Variants in SPSB1 observed in about 807,000 individuals in gnomAD.
SPSB1 encodes the protein splA/ryanodine receptor domain and SOCS box containing 1.
A neutral mutation model predicts 21.2 loss-of-function variants in SPSB1; 8 were observed. That is an observed-to-expected ratio of 0.38 (90% CI 0.22 to 0.68). SPSB1 has a LOEUF of 0.68. Ranked by LOEUF, SPSB1 falls within the 30% of genes least tolerant of loss-of-function variation. The pLI is 0.53. For missense variants in SPSB1, 242 were observed against 377.8 expected (o/e 0.64, Z 2.98); for synonymous variants, 169 against 161.7 (o/e 1.05, Z -0.34).
intron 1 of SPSB1, among the ~76,000 whole-genome samples, chr1:9,334,552 T>C (rs940422800): frequency 3.3e-5 from 5 of 152,068 alleles, no homozygotes; most frequent in African/African-American, 1.2e-4. Flanking sequence ...TTTTTAAGAG[T>C]TCAGTGGCAT....
In SPSB1 at chr1:9,346,637, G is replaced by A. The variant is rs182525872; in HGVS notation, c.-149-9106G>A. The stretch of plus-strand genomic sequence containing the variant: ...AACACCATCGGGGGGTTGCCGGCAG[G>A]TGCTGTGCAGTCTGGCCTGTCTCAG... On this transcript the variant is annotated intron_variant, in intron 1 of 2. Transcript: ENST00000328089. This position sits in a 1 kb window ranked among gnomAD's most constrained non-coding sequence, Gnocchi z 4.4. 9.8e-5 allele frequency among the ~76,000 whole-genome samples: 15 copies of A among 152,310 alleles called. No homozygotes were observed. The South Asian group carries it at 1.0e-3, about 11-fold the overall frequency.
intron 1 of SPSB1, among the ~76,000 whole-genome samples, chr1:9,353,211 C>T (rs775597030): frequency 1.3e-4 from 19 of 151,932 alleles, no homozygotes; most frequent in Non-Finnish European, 2.4e-4. Flanking sequence ...CCTCGAGAGC[C>T]GCCTCGGCCC....
intron 2 of SPSB1, among the ~76,000 whole-genome samples, chr1:9,365,993 C>G (rs371952034): frequency 1.3e-5 from 2 of 152,260 alleles, no homozygotes; most frequent in African/African-American, 4.8e-5. Context: ...AGCCTTCCAA[C>G]GCTCAGAAGC....
chr1:9,334,109 A>G (rs1021737769), intron 1 of SPSB1, among the ~76,000 whole-genome samples: 1 of 152,190 alleles, frequency 6.6e-6, no homozygotes, highest in Admixed American at 6.5e-5. Context: ...TCTTTGAGGC[A>G]GAGTCTTGCT....
Position 9,363,464 on chromosome 1 carries a change from T to C in SPSB1, c.695-3984T>C, listed in dbSNP as rs1435756201. ...CCCACACAGCTGCGTTCACAGGGGA[T>C]GGATTGTGGCAGCTGGAGGGCCTCA... On this transcript the variant is annotated intron_variant, in intron 2 of 2. Transcript: ENST00000328089. This position sits in a 1 kb window ranked among gnomAD's most constrained non-coding sequence, Gnocchi z 4.5. Among the ~76,000 whole-genome samples, 11 of 152,148 alleles carry C rather than the reference T, an allele frequency of 7.2e-5. No homozygotes were observed. The highest frequency in any genetic ancestry group is 7.2e-4 in the Admixed American group (11 of 15,274).
At chr1:9,339,967 G>GC (rs1375652172) in intron 1 of SPSB1, among the ~76,000 whole-genome samples, 1 of 150,760 alleles carries the variant, frequency 6.6e-6, no homozygotes, top group Non-Finnish European at 1.5e-5. Flanking sequence ...GTTTCCTCCA[G>GC]CCCCCCACCT....
intron 1 of SPSB1, among the ~76,000 whole-genome samples, chr1:9,342,764 G>A (rs765364976): frequency 7.2e-5 from 11 of 152,172 alleles, no homozygotes; most frequent in Non-Finnish European, 1.6e-4. Context: ...GTGCTGTCTC[G>A]GGGCAGCAAG....
chr1:9,356,038 T>C lies in SPSB1; in HGVS notation c.147T>C (p.Asp49=). Residue 49 remains aspartate, a synonymous_variant, in exon 2 of 3, where the codon GAT becomes GAC. Coordinates refer to ENST00000328089, the MANE Select transcript of SPSB1 (RefSeq NM_025106.4). This position sits in a 1 kb window ranked among gnomAD's most constrained non-coding sequence, Gnocchi z 7.4. Reference sequence around the variant, plus strand: ...TGGACATGCCCCCTGTGTCCTATGATGTCCAGCTGCTGCATTCATGGAACA... The same window carrying C: ...TGGACATGCCCCCTGTGTCCTATGACGTCCAGCTGCTGCATTCATGGAACA... ...LLLDMPPVSY[D]VQLLHSWNNN... is the part of the protein sequence containing the mutation. 6.2e-7 allele frequency: 1 copy of C among 1,614,070 alleles called. No individual in the cohort carries two copies. Among genetic ancestry groups the C allele is most frequent in the Non-Finnish European group, 8.5e-7 (1 of 1,179,958 alleles).
chr1:9,331,803 G>GCTATCT (rs1639925365), intron 1 of SPSB1, among the ~76,000 whole-genome samples: 8 of 152,184 alleles, frequency 5.3e-5, no homozygotes, highest in Non-Finnish European at 7.3e-5. Context: ...GCAATCTGGA[G>GCTATCT]GGTGCAACGT....
chr1:9,292,984 C>G lies in SPSB1; in HGVS notation c.-237C>G, dbSNP rs1311667140. On this transcript the variant is annotated 5_prime_UTR_variant, in exon 1 of 3. Transcript: ENST00000328089. ...CGGGGCCGGGGCCGCGGGGAGGAGG[C>G]GACTTCGCTCCCTGCGGCGGGCGCG... 9 of 983,186 alleles carry G rather than the reference C, an allele frequency of 9.2e-6. No individual in the cohort carries two copies. In the Admixed American group the frequency reaches 4.4e-4, roughly 48 times the overall value. The allele number at this position is 983,186 out of a possible 1,614,324, so 60.9% of individuals were successfully genotyped here. A position where few individuals can be genotyped will look rare whatever the true frequency, so the allele number is the denominator to read the frequency against.
chr1:9,342,999 C>A (rs1013871587), intron 1 of SPSB1, among the ~76,000 whole-genome samples: 1 of 152,224 alleles, frequency 6.6e-6, no homozygotes, highest in African/African-American at 2.4e-5. Context: ...ACACCCACCC[C>A]CTGTCCATGT....
chr1:9,330,756 T>C (rs1639904120), intron 1 of SPSB1, among the ~76,000 whole-genome samples: 1 of 152,062 alleles, frequency 6.6e-6, no homozygotes, highest in Non-Finnish European at 1.5e-5. Flanking sequence ...ATTTACCATC[T>C]TAACCATTTA....
intron 1 of SPSB1, among the ~76,000 whole-genome samples, chr1:9,355,480 C>G (rs1640346736): frequency 6.6e-6 from 1 of 152,272 alleles, no homozygotes; most frequent in Admixed American, 6.5e-5. Flanking sequence ...GTACCCAACA[C>G]AGATGAGGGT....
Position 9,356,636 on chromosome 1 carries a change from G to T in SPSB1, c.694+51G>T. 6.5e-7 allele frequency: 1 copy of T among 1,535,592 alleles called. No individual in the cohort carries two copies. On this transcript the variant is annotated intron_variant, in intron 2 of 2. Coordinates refer to ENST00000328089, the MANE Select transcript of SPSB1 (RefSeq NM_025106.4). The surrounding 1 kb of genome is among the most constrained non-coding windows in gnomAD (Gnocchi z 7.4). ...GCAATGCCCTCCCTCAGTCCCCATG[G>T]TCCTGGCTGGGCTCAGGCCAAAAGT...
intron 1 of SPSB1, among the ~76,000 whole-genome samples, chr1:9,302,383 G>A (rs1038272228): frequency 1.3e-5 from 2 of 152,204 alleles, no homozygotes; most frequent in African/African-American, 4.8e-5. Context: ...AGAATGATCG[G>A]GCTGCCCCAG....
intron 1 of SPSB1, among the ~76,000 whole-genome samples, chr1:9,310,796 G>A (rs190776340): frequency 1.3e-5 from 2 of 152,112 alleles, no homozygotes; most frequent in African/African-American, 4.8e-5. Context: ...CTGTCTGAGG[G>A]TCTTCTCATT....
intron 1 of SPSB1, among the ~76,000 whole-genome samples, chr1:9,306,858 T>C (rs531497165): frequency 3.9e-4 from 59 of 152,166 alleles, no homozygotes; most frequent in Middle Eastern, 3.4e-3. Flanking sequence ...CAAGATGTCC[T>C]GGACATGCAG....
chr1:9,344,988 T>A (rs534948532), intron 1 of SPSB1, among the ~76,000 whole-genome samples: 1 of 152,176 alleles, frequency 6.6e-6, no homozygotes, highest in Admixed American at 6.5e-5. Flanking sequence ...AAAGCCTGGG[T>A]TTGGTCGGAT....
Position 9,367,563 on chromosome 1 carries a change from C to A in SPSB1, c.810C>A (p.Leu270=). The A allele has an allele frequency of 6.2e-7, 1 of 1,609,794 alleles. No homozygotes were observed. Among genetic ancestry groups the A allele is most frequent in the East Asian group, 2.2e-5 (1 of 44,746 alleles). ...LPLPASLKAY[L]LYQ ...TGCCGGCTTCCCTCAAGGCCTACCT[C>A]CTCTACCAGTGACGTTCGCCATCAT... Residue 270 remains leucine (L), a synonymous_variant, in exon 3 of 3, where the codon CTC becomes CTA. Transcript: ENST00000328089. This position sits in a 1 kb window ranked among gnomAD's most constrained non-coding sequence, Gnocchi z 5.9.
Sources: allele counts gnomAD v4.1 joint callset (sites outside exome capture counted in the v4.1 genomes callset), GRCh38; gene constraint gnomAD v4.1.1; non-coding constraint Gnocchi (gnomAD v3.1); transcripts MANE v1.5; gene names NCBI Gene and HGNC (gene_info 2026-07-23, HGNC 2026-07-21).